AMOTL2: variants seen among roughly 807,000 people sequenced by gnomAD.
The protein encoded by AMOTL2 is angiomotin-like protein 2.
AMOTL2 carries 33 observed loss-of-function variants against 78.4 expected under a neutral mutation model. The ratio of observed to expected loss-of-function variants is 0.42; its 90% CI spans 0.32 to 0.56. The LOEUF (loss-of-function observed/expected upper bound fraction) is 0.56, where lower values mean the gene tolerates loss of function less well. Ranked by LOEUF, AMOTL2 falls within the 20% of genes least tolerant of loss-of-function variation. The pLI, the probability that AMOTL2 is intolerant of heterozygous loss-of-function variation, is 0.12. For missense variants in AMOTL2, 983 were observed against 1,030.1 expected, an observed-to-expected ratio of 0.95 and a Z score of 0.63; for synonymous variants, 422 against 428.8, an observed-to-expected ratio of 0.98 and a Z score of 0.20.
At chr3:134,358,858 T>C in intron 8 of AMOTL2, 139 bp from the exon 9 acceptor site, 1 of 996,578 alleles carries the variant, frequency 1.0e-6, no homozygotes, top group Non-Finnish European at 1.5e-6. Flanking sequence ...AGACTAAAAA[T>C]GCTCCTATTT....
At chr3:134,364,061 G>T (rs540838812) in intron 5 of AMOTL2, among the ~76,000 whole-genome samples, 1 of 152,194 alleles carries the variant, frequency 6.6e-6, no homozygotes, top group Non-Finnish European at 1.5e-5. Flanking sequence ...AGGAGGGCAG[G>T]AAGGCAGGCG....
At chr3:134,361,459 G>A (rs2017358241) in intron 6 of AMOTL2, 53 bp downstream of exon 6, 4 of 1,513,512 alleles carry the variant, frequency 2.6e-6, no homozygotes, top group Non-Finnish European at 2.7e-6. Flanking sequence ...CGAGGAGGAA[G>A]GGAAGCCAAC....
At chr3:134,374,712 G>C (rs971462269), upstream of AMOTL2, 59 of 981,932 alleles carry the variant, frequency 6.0e-5, no homozygotes, top group South Asian at 9.4e-5. Flanking sequence ...TCCAGGCCGC[G>C]GTGTGTCCGC....
intron 5 of AMOTL2, among the ~76,000 whole-genome samples, chr3:134,364,651 CTG>C (rs2017530525): frequency 6.6e-6 from 1 of 152,098 alleles, no homozygotes; most frequent in Admixed American, 6.5e-5. Context: ...TCCTTCAGTG[CTG>C]TGTTCCCCCA....
At position 134,370,755 on chromosome 3, in the gene AMOTL2, T is replaced by C. The variant is rs2017811113; in HGVS notation, c.679A>G (p.Thr227Ala). ...CCGCGGGCACGGTACCGTGGGTCAG[T>C]GACAGCAGTGGTGGTCTCATGAGCT... is the stretch of plus-strand genomic sequence containing the variant. ...VLAHETTTAV[T>A]DPRYRARGSP... is the part of the protein sequence containing the mutation. Residue 227 changes from threonine (T) to alanine (A), a missense_variant, in exon 2 of 10, where the codon ACT becomes GCT. Physicochemically the swap from Thr to Ala is moderately conservative, Grantham distance 58 (BLOSUM62 0). Transcript: ENST00000249883. 1 of 1,515,922 alleles carries C rather than the reference T, an allele frequency of 6.6e-7. No homozygotes were observed. The highest frequency in any genetic ancestry group is 8.8e-7 in the Non-Finnish European group (1 of 1,132,218). 93.9% of individuals were successfully genotyped at this position (1,515,922 alleles called of 1,614,324 possible). A position where few individuals can be genotyped will look rare whatever the true frequency, so the allele number is the denominator to read the frequency against.
chr3:134,360,088 T>A lies in AMOTL2; in HGVS notation c.1883+18A>T, dbSNP rs1446570612. The A allele has an allele frequency of 6.3e-6, 10 of 1,596,340 alleles. No homozygotes were observed. Among genetic ancestry groups the A allele is most frequent in the Non-Finnish European group, 8.6e-6 (10 of 1,167,322 alleles). Reference sequence around the variant, plus strand: ...ACCCACCCCCCCAACCTCAGGTGCCTGGCCTGCAATGCCGAACCTGCTTTC... The same window carrying A: ...ACCCACCCCCCCAACCTCAGGTGCCAGGCCTGCAATGCCGAACCTGCTTTC... On this transcript the variant is annotated intron_variant, in intron 7 of 9. Coordinates refer to ENST00000249883, the MANE Select transcript of AMOTL2 (RefSeq NM_016201.4).
upstream of AMOTL2, chr3:134,375,385 T>A: frequency 1.3e-6 from 1 of 774,820 alleles, no homozygotes; most frequent in East Asian, 2.7e-5. Flanking sequence ...CTCAGAGAGC[T>A]TAAGCAGCGT....
At chr3:134,365,355 C>A (rs925461307) in intron 5 of AMOTL2, among the ~76,000 whole-genome samples, 2 of 152,186 alleles carry the variant, frequency 1.3e-5, no homozygotes, top group African/African-American at 4.8e-5. Context: ...CCTCAGATGC[C>A]TCCACTTGGC....
At chr3:134,374,692 C>G (rs2018025512), upstream of AMOTL2, 6 of 981,898 alleles carry the variant, frequency 6.1e-6, no homozygotes, top group South Asian at 2.8e-4. Flanking sequence ...TTCCTCCGCG[C>G]CCAGCGCCCT....
chr3:134,367,770 G>A lies in AMOTL2; in HGVS notation c.768C>T (p.Leu256=). 18 of 1,613,728 alleles carry A rather than the reference G, an allele frequency of 1.1e-5. No individual in the cohort carries two copies. The highest frequency in any genetic ancestry group is 1.3e-5 in the Non-Finnish European group (15 of 1,180,008). Residue 256 remains leucine, a synonymous_variant, in exon 3 of 10, where the codon CTC becomes CTT. Transcript: ENST00000249883. ...ILQAQVPPVF[L]QQQQQYQYLQ... ...GGTACTGGTACTGCTGCTGCTGTTG[G>A]AGGAACACAGGAGGCACCTGGGCCT...
At chr3:134,366,565 G>A in intron 3 of AMOTL2, 138 bp from the exon 4 acceptor site, 2 of 852,560 alleles carry the variant, frequency 2.3e-6, no homozygotes, top group Non-Finnish European at 3.5e-6. Flanking sequence ...GGTGACTATG[G>A]TGGGATGGTC....
At chr3:134,372,425 C>CT (rs943440362) in intron 1 of AMOTL2, among the ~76,000 whole-genome samples, 1 of 110,768 alleles carries the variant, frequency 9.0e-6, no homozygotes, top group Non-Finnish European at 1.7e-5. Flanking sequence ...AGGTGCCACC[C>CT]ATTAAGGTTA....
chr3:134,374,285 TG>T, intron 1 of AMOTL2, 56 bp downstream of exon 1: 1 of 985,434 alleles, frequency 1.0e-6, no homozygotes, highest in Non-Finnish European at 1.2e-6. Flanking sequence ...CAGCTTTGGC[TG>T]GGGCACGTTT....
chr3:134,367,617 G>A lies in AMOTL2; in HGVS notation c.921C>T (p.Gly307=), dbSNP rs773125784. Residue 307 remains glycine, a synonymous_variant, in exon 3 of 10, where the codon GGC becomes GGT. Transcript: ENST00000249883. The part of the protein sequence containing the change: ...VSAQASSATS[G]SAHLAQMEAV... ...CCTCCATCTGGGCCAGGTGGGCACT[G>A]CCCGAGGTGGCTGAGGAGGCCTGGG... 2.5e-6 allele frequency: 4 copies of A among 1,613,326 alleles called. No homozygotes were observed. The highest frequency in any genetic ancestry group is 3.4e-6 in the Non-Finnish European group (4 of 1,180,050).
intron 6 of AMOTL2, 145 bp downstream of exon 6, chr3:134,361,367 C>T (rs532397187): frequency 1.1e-5 from 11 of 957,366 alleles, no homozygotes; most frequent in South Asian, 7.0e-5. Flanking sequence ...CAATCATCCT[C>T]GCCGCCTTCC....
At chr3:134,361,931 A>AT in intron 5 of AMOTL2, 124 bp from the exon 6 acceptor site, 1 of 859,860 alleles carries the variant, frequency 1.2e-6, no homozygotes, top group South Asian at 1.8e-5. Flanking sequence ...AATAACAGGA[A>AT]TAAGGTACCA....
At chr3:134,366,502 T>TC (rs2017611339) in intron 3 of AMOTL2, 75 bp from the exon 4 acceptor site, 12 of 1,484,396 alleles carry the variant, frequency 8.1e-6, no homozygotes, top group Non-Finnish European at 9.9e-6. Flanking sequence ...CCCACTACTC[T>TC]CCATCAGAAA....
Position 134,358,622 on chromosome 3 carries a change from G to C in AMOTL2, c.2202C>G (p.Pro734=). Residue 734 remains proline (P), a synonymous_variant, in exon 9 of 10, where the codon CCC becomes CCG. Coordinates refer to ENST00000249883, the MANE Select transcript of AMOTL2 (RefSeq NM_016201.4). The stretch of plus-strand genomic sequence containing the variant: ...GCAGGCAGGTGGAGGTGCTGTCTGG[G>C]GGGCCCTCAGTCTGGGTGCTCCCAT... ...SRDGSTQTEG[P]PDSTSTCLPP... The C allele has an allele frequency of 6.2e-7, 1 of 1,613,938 alleles. No individual in the cohort carries two copies. The highest frequency in any genetic ancestry group is 8.5e-7 in the Non-Finnish European group (1 of 1,179,924).
At chr3:134,362,448 T>C (rs1231945138) in intron 5 of AMOTL2, among the ~76,000 whole-genome samples, 4 of 152,078 alleles carry the variant, frequency 2.6e-5, no homozygotes, top group Non-Finnish European at 5.9e-5. Context: ...TGCCTCTGGC[T>C]ACATGGTGAG....
Sources: gnomAD v4.1 joint callset for allele counts (sites outside exome capture counted in the v4.1 genomes callset) on GRCh38, gnomAD v4.1.1 for gene constraint, MANE v1.5 for transcripts, NCBI Gene and HGNC (gene_info 2026-07-23, HGNC 2026-07-21) for gene names.